The following SCNN1G variants were observed in gnomAD, a reference collection of about 807,000 sequenced individuals.
SCNN1G encodes epithelial sodium channel subunit gamma.
In SCNN1G, 27 loss-of-function variants were observed where a neutral mutation model predicts 64.6. The observed-to-expected ratio is 0.42, with a 90% confidence interval of 0.31 to 0.58. The LOEUF is 0.58. SCNN1G is among the 20% of genes least tolerant of loss of function. The pLI is 0.18. For synonymous variants in SCNN1G, 330 were observed against 314.2 expected (o/e 1.05, Z -0.53); for missense variants, 743 against 823.4 (o/e 0.90, Z 1.19).
intron 6 of SCNN1G, among the ~76,000 whole-genome samples, chr16:23,204,698 G>C (rs1959962506): frequency 6.6e-6 from 1 of 151,884 alleles, no homozygotes; most frequent in South Asian, 2.1e-4. Context: ...CATAGTCAAA[G>C]TCTTTGTTTT....
At chr16:23,201,757 A>G (rs1959893413) in intron 6 of SCNN1G, among the ~76,000 whole-genome samples, 1 of 152,212 alleles carries the variant, frequency 6.6e-6, no homozygotes, top group Non-Finnish European at 1.5e-5. Context: ...TTAAAAGGTG[A>G]ACCCAACAGA....
chr16:23,208,086 A>G (rs954970865), intron 6 of SCNN1G, among the ~76,000 whole-genome samples: 1 of 152,194 alleles, frequency 6.6e-6, no homozygotes, highest in Non-Finnish European at 1.5e-5. Flanking sequence ...ACCTTAGAAG[A>G]TGTTATCCTC....
Position 23,186,239 on chromosome 16 carries a change from T to C in SCNN1G, c.-33T>C, listed in dbSNP as rs769490229. 3.1e-6 allele frequency: 5 copies of C among 1,612,440 alleles called. No individual in the cohort carries two copies. Among genetic ancestry groups the C allele is most frequent in the Non-Finnish European group, 4.2e-6 (5 of 1,178,630 alleles). The stretch of plus-strand genomic sequence containing the variant: ...CTTTGCCCCTCCAGCACGCCCGTCC[T>C]CAGAGTCCCGTCCTCAAAGTCCCAT... On this transcript the variant is annotated 5_prime_UTR_variant, in exon 2 of 13. Transcript: ENST00000300061.
In SCNN1G at chr16:23,186,235, G is replaced by T; in HGVS notation, c.-37G>T. On this transcript the variant is annotated 5_prime_UTR_variant, in exon 2 of 13. Coordinates refer to ENST00000300061, the MANE Select transcript of SCNN1G (RefSeq NM_001039.4). ...TCTTCTTTGCCCCTCCAGCACGCCC[G>T]TCCTCAGAGTCCCGTCCTCAAAGTC... The T allele has an allele frequency of 6.2e-7, 1 of 1,609,650 alleles. No homozygotes were observed. The highest frequency in any genetic ancestry group is 8.5e-7 in the Non-Finnish European group (1 of 1,176,096).
chr16:23,190,193 T>C (rs1486786589), intron 3 of SCNN1G, among the ~76,000 whole-genome samples: 1 of 152,064 alleles, frequency 6.6e-6, no homozygotes, highest in Non-Finnish European at 1.5e-5. Flanking sequence ...GGTACATGTA[T>C]ACCTTTGTAA....
In SCNN1G at chr16:23,209,807, G is replaced by A. The variant is rs373515010; in HGVS notation, c.1135G>A (p.Val379Met). 3.2e-5 allele frequency: 52 copies of A among 1,613,950 alleles called. No homozygotes were observed. Among genetic ancestry groups the A allele is most frequent in the Non-Finnish European group, 4.1e-5 (48 of 1,179,930 alleles). ...TCAGTGCACGGAGGACGGGAGTGAC[G>A]TGCCAATCAGGAACATCTACAACGC... ...YSQCTEDGSDVPIRNIYNAAY... is the reference protein window; with the variant it reads ...YSQCTEDGSDMPIRNIYNAAY... Residue 379 changes from valine (V) to methionine (M), a missense_variant, in exon 7 of 13, where the codon GTG becomes ATG. Val to Met is a conservative substitution (Grantham distance 21, BLOSUM62 1). Transcript: ENST00000300061.
At position 23,216,000 on chromosome 16, in the gene SCNN1G, A is replaced by G; in HGVS notation, c.*531A>G. 2 of 197,746 alleles carry G rather than the reference A, an allele frequency of 1.0e-5. No individual in the cohort carries two copies. Among genetic ancestry groups the G allele is most frequent in the Non-Finnish European group, 2.1e-5 (2 of 95,866 alleles). 12.2% of individuals were successfully genotyped at this position (197,746 alleles called of 1,614,324 possible). A position where few individuals can be genotyped will look rare whatever the true frequency, so the allele number is the denominator to read the frequency against. ...GTTCTTCATCATTGACACTGGAGAA[A>G]GGTGTCCTCCATGCCCTCAGGCAGC... On this transcript the variant is annotated 3_prime_UTR_variant, in exon 13 of 13. Coordinates refer to ENST00000300061, the MANE Select transcript of SCNN1G (RefSeq NM_001039.4).
intron 6 of SCNN1G, among the ~76,000 whole-genome samples, chr16:23,201,297 G>A (rs777519805): frequency 1.3e-5 from 2 of 152,158 alleles, no homozygotes; most frequent in African/African-American, 2.4e-5. Flanking sequence ...ACTGGTGTAA[G>A]TTACTAGAGC....
At position 23,209,867 on chromosome 16, in the gene SCNN1G, C is replaced by T; in HGVS notation, c.1176+19C>T. Reference sequence around the variant, plus strand: ...GCTCCAGGTAACAGATTGGCAGGGGCACCCAGCCCTGGGTTTATGGCCCGG... The same window carrying T: ...GCTCCAGGTAACAGATTGGCAGGGGTACCCAGCCCTGGGTTTATGGCCCGG... On this transcript the variant is annotated intron_variant, in intron 7 of 12. Transcript: ENST00000300061. 6.4e-7 allele frequency: 1 copy of T among 1,571,050 alleles called. No individual in the cohort carries two copies.
chr16:23,197,461 G>A, intron 6 of SCNN1G, 34 bp downstream of exon 6: 1 of 1,594,220 alleles, frequency 6.3e-7, no homozygotes, highest in African/African-American at 1.3e-5. Context: ...TAGGCTTGGA[G>A]AGAACAGATC....
intron 4 of SCNN1G, 138 bp from the exon 5 acceptor site, chr16:23,194,033 G>C: frequency 1.4e-6 from 1 of 711,536 alleles, no homozygotes; most frequent in Non-Finnish European, 2.6e-6. Flanking sequence ...CATTTGATCA[G>C]GAGCAAGATG....
Position 23,215,146 on chromosome 16 carries a change from G to A in SCNN1G, c.1627G>A (p.Val543Ile). The A allele has an allele frequency of 6.2e-7, 1 of 1,614,146 alleles. No homozygotes were observed. The highest frequency in any genetic ancestry group is 8.5e-7 in the Non-Finnish European group (1 of 1,180,028). Residue 543 changes from valine to isoleucine, a missense_variant, in exon 13 of 13, where the codon GTT becomes ATT. Physicochemically the swap from Val to Ile is conservative, Grantham distance 29. Coordinates refer to ENST00000300061, the MANE Select transcript of SCNN1G (RefSeq NM_001039.4). The stretch of plus-strand genomic sequence containing the variant: ...GCTGGGCCTGTGGATGAGCTGCTCT[G>A]TTGTCTGCGTCATCGAGATCATCGA... ...GQLGLWMSCS[V>I]VCVIEIIEVF... is the part of the protein sequence containing the mutation.
At chr16:23,209,023 A>G (rs536000376) in intron 6 of SCNN1G, among the ~76,000 whole-genome samples, 3 of 152,072 alleles carry the variant, frequency 2.0e-5, no homozygotes, top group Non-Finnish European at 4.4e-5. Flanking sequence ...CAACCTCCCC[A>G]TCTGACTTTA....
At chr16:23,185,282 TAGAG>T (rs1222498950) in intron 1 of SCNN1G, among the ~76,000 whole-genome samples, 1 of 152,224 alleles carries the variant, frequency 6.6e-6, no homozygotes, top group Non-Finnish European at 1.5e-5. Context: ...TGTATATTTA[TAGAG>T]AGAGACAAAT....
chr16:23,190,764 G>C (rs576729590), intron 3 of SCNN1G, among the ~76,000 whole-genome samples: 1 of 150,004 alleles, frequency 6.7e-6, no homozygotes, highest in Admixed American at 6.6e-5. Context: ...ATCAATATTC[G>C]TGCAGTACTT....
At chr16:23,214,940 T>A in intron 12 of SCNN1G, 149 bp from the exon 13 acceptor site, 2 of 1,129,596 alleles carry the variant, frequency 1.8e-6, no homozygotes, top group Non-Finnish European at 2.6e-6. Flanking sequence ...ATGCACAGAG[T>A]AAGAGGAAAC....
chr16:23,193,669 A>G (rs1002614217), intron 4 of SCNN1G, among the ~76,000 whole-genome samples: 7 of 152,106 alleles, frequency 4.6e-5, no homozygotes, highest in African/African-American at 1.7e-4. Context: ...ATACAATACA[A>G]TACAATAAAA....
intron 6 of SCNN1G, among the ~76,000 whole-genome samples, chr16:23,201,599 T>G (rs1959890813): frequency 6.6e-6 from 1 of 152,140 alleles, no homozygotes; most frequent in African/African-American, 2.4e-5. Context: ...CAAACTAGAC[T>G]TCCTTCCTTT....
intron 6 of SCNN1G, among the ~76,000 whole-genome samples, chr16:23,208,533 C>A (rs1960027491): frequency 6.6e-6 from 1 of 152,012 alleles, no homozygotes; most frequent in Non-Finnish European, 1.5e-5. Flanking sequence ...GGGTCCTTCA[C>A]CTGAGCGAGA....
Sources: allele counts gnomAD v4.1 joint callset (sites outside exome capture counted in the v4.1 genomes callset), GRCh38; gene constraint gnomAD v4.1.1; transcripts MANE v1.5; gene names NCBI Gene and HGNC (gene_info 2026-07-23, HGNC 2026-07-21).